Variants in LRRC49 observed in about 807,000 individuals in gnomAD.
LRRC49 encodes the protein leucine rich repeat containing 49, also known as leucine-rich repeat-containing protein 49.
LRRC49 carries 50 observed loss-of-function variants against 83.3 expected under a neutral mutation model. The observed-to-expected ratio is 0.60, with a 90% CI of 0.48 to 0.76. LRRC49 has a LOEUF of 0.76. Among genes scored for constraint, LRRC49 ranks in the 30% least tolerant of loss-of-function variants. LRRC49 has a pLI of 0.00. For missense variants in LRRC49, 704 were observed against 809.1 expected, an observed-to-expected ratio of 0.87 and a Z score of 1.58; for synonymous variants, 286 against 283.3, an observed-to-expected ratio of 1.01 and a Z score of -0.10.
chr15:70,874,916 C>A (rs1364035803), intron 2 of LRRC49, among the ~76,000 whole-genome samples: 1 of 152,246 alleles, frequency 6.6e-6, no homozygotes, highest in Non-Finnish European at 1.5e-5. Context: ...CAGCAGCATG[C>A]CCCTGTGGGG....
intron 8 of LRRC49, among the ~76,000 whole-genome samples, chr15:70,942,010 C>A (rs1055272074): frequency 5.4e-5 from 8 of 149,414 alleles, no homozygotes; most frequent in Non-Finnish European, 1.2e-4. Flanking sequence ...TTGTAAGCCT[C>A]CATTTTTATT....
intron 5 of LRRC49, among the ~76,000 whole-genome samples, chr15:70,909,088 GT>G (rs1298490288): frequency 6.6e-6 from 1 of 152,146 alleles, no homozygotes; most frequent in African/African-American, 2.4e-5. Context: ...GGCCTTAAAG[GT>G]GCTCAGGATT....
intron 14 of LRRC49, among the ~76,000 whole-genome samples, chr15:71,020,066 A>G (rs2038946898): frequency 1.3e-5 from 2 of 152,240 alleles, no homozygotes; most frequent in Non-Finnish European, 2.9e-5. Flanking sequence ...ATCTCATGAT[A>G]TACAAGATAA....
chr15:70,910,390 TA>T (rs2034502449), intron 5 of LRRC49, among the ~76,000 whole-genome samples: 2 of 152,128 alleles, frequency 1.3e-5, no homozygotes, highest in African/African-American at 2.4e-5. Flanking sequence ...ATATCACATA[TA>T]TACACACTAT....
In LRRC49 at chr15:70,984,169, A is replaced by G. The variant is rs1179704154; in HGVS notation, c.1081A>G (p.Thr361Ala). ...LQQQRVANIA[T>A]NEDRKDSDSP... ...ACAACAACGAGTAGCCAATATTGCT[A>G]CAAATGAAGATAGAAAAGATTCTGA... Residue 361 changes from threonine (T) to alanine (A), a missense_variant, in exon 11 of 16, where the codon ACA becomes GCA. Thr to Ala is a moderately conservative substitution (Grantham distance 58). Coordinates refer to ENST00000260382, the MANE Select transcript of LRRC49 (RefSeq NM_017691.5). The G allele has an allele frequency of 6.8e-6, 11 of 1,613,260 alleles. No homozygotes were observed. The African/African-American group carries it at 1.3e-4, about 20-fold the overall frequency.
intron 14 of LRRC49, among the ~76,000 whole-genome samples, chr15:71,014,866 G>T (rs999219729): frequency 1.3e-5 from 2 of 152,048 alleles, no homozygotes; most frequent in African/African-American, 2.4e-5. Flanking sequence ...GCATAACATA[G>T]TTAACACATT....
chr15:70,906,336 C>T (rs2034312655), intron 5 of LRRC49, among the ~76,000 whole-genome samples: 1 of 152,128 alleles, frequency 6.6e-6, no homozygotes, highest in African/African-American at 2.4e-5. Flanking sequence ...ACCTTGTGAT[C>T]CGCCTGCCTT....
intron 2 of LRRC49, chr15:70,882,493 CA>C: frequency 6.2e-7 from 1 of 1,613,644 alleles, no homozygotes; most frequent in South Asian, 1.1e-5. Context: ...CCATATAAGA[CA>C]AATCACTCTG....
chr15:70,900,956 A>G lies in LRRC49; in HGVS notation c.228A>G (p.Ser76=), dbSNP rs2034049289. The change falls in exon 4 of 16, where the codon TCA becomes TCG. Residue 76 remains serine (S), a synonymous_variant. Coordinates refer to ENST00000260382, the MANE Select transcript of LRRC49 (RefSeq NM_017691.5). ...DHINLVSSSL[S]SFPILQRSSE... The stretch of plus-strand genomic sequence containing the variant: ...TTAATTTGGTGAGCTCATCATTGTC[A>G]TCATTTCCTATTCTTCAACGTTCTT... 1.9e-6 allele frequency: 3 copies of G among 1,610,464 alleles called. No individual in the cohort carries two copies. The highest frequency in any genetic ancestry group is 2.5e-6 in the Non-Finnish European group (3 of 1,177,716).
At chr15:71,038,489 C>T (rs997504887) in intron 15 of LRRC49, among the ~76,000 whole-genome samples, 2 of 152,016 alleles carry the variant, frequency 1.3e-5, no homozygotes, top group African/African-American at 4.8e-5. Context: ...CTTTCCTTTC[C>T]TTCCCCACCC....
At chr15:70,924,525 A>T (rs983111135) in intron 7 of LRRC49, among the ~76,000 whole-genome samples, 1 of 152,028 alleles carries the variant, frequency 6.6e-6, no homozygotes, top group Non-Finnish European at 1.5e-5. Flanking sequence ...CTCTTATCAG[A>T]TAAGGACCTT....
At chr15:71,027,292 A>T (rs966957831) in intron 14 of LRRC49, among the ~76,000 whole-genome samples, 3 of 152,000 alleles carry the variant, frequency 2.0e-5, no homozygotes, top group Middle Eastern at 3.2e-3. Flanking sequence ...GTTCTGTTCC[A>T]TTGGTCTATA....
At chr15:71,031,883 G>C (rs184041682) in intron 14 of LRRC49, among the ~76,000 whole-genome samples, 107 of 152,238 alleles carry the variant, frequency 7.0e-4, no homozygotes, top group Non-Finnish European at 1.2e-3. Context: ...TCAGCCTACT[G>C]TGCTGGCAGT....
At chr15:70,878,398 T>A (rs1195533107) in intron 2 of LRRC49, among the ~76,000 whole-genome samples, 1 of 152,226 alleles carries the variant, frequency 6.6e-6, no homozygotes. Context: ...CTTTTAAACA[T>A]CTGTGCATTT....
chr15:70,927,886 G>A (rs2035264097), intron 7 of LRRC49, among the ~76,000 whole-genome samples: 1 of 152,076 alleles, frequency 6.6e-6, no homozygotes, highest in African/African-American at 2.4e-5. Flanking sequence ...GGGCTCAAGT[G>A]ATCCTCCCAT....
intron 7 of LRRC49, among the ~76,000 whole-genome samples, chr15:70,920,020 C>T (rs976093773): frequency 4.6e-5 from 7 of 152,154 alleles, no homozygotes; most frequent in Admixed American, 3.9e-4. Flanking sequence ...TATAACTGTT[C>T]TGCTTTGTGA....
chr15:70,904,733 G>A lies in LRRC49; in HGVS notation c.478G>A (p.Val160Ile). Residue 160 changes from valine to isoleucine, a missense_variant, in exon 5 of 16, where the codon GTC (valine) becomes ATC (isoleucine). Physicochemically the swap from Val to Ile is conservative, Grantham distance 29. Around this residue, in one of 3 missense-constraint regions of LRRC49, gnomAD observed 261 missense variants for 330.5 expected, o/e 0.79. Transcript: ENST00000260382. ...GCTTTCGACTCTGAGATGTCTTCGTGTCCTTCTGTTGGGGAAAAACAGGTA... is the reference window on the plus strand; with the variant it reads ...GCTTTCGACTCTGAGATGTCTTCGTATCCTTCTGTTGGGGAAAAACAGGTA... ...SGLSTLRCLRVLLLGKNRIKK... is the reference protein window; with the variant it reads ...SGLSTLRCLRILLLGKNRIKK... 3.1e-6 allele frequency: 5 copies of A among 1,612,890 alleles called. No individual in the cohort carries two copies. The highest frequency in any genetic ancestry group is 4.2e-6 in the Non-Finnish European group (5 of 1,179,246).
chr15:70,954,232 C>T (rs1482173312), intron 8 of LRRC49, among the ~76,000 whole-genome samples: 1 of 152,160 alleles, frequency 6.6e-6, no homozygotes, highest in Non-Finnish European at 1.5e-5. Context: ...GTCTATTCTG[C>T]TTTTAATGCA....
At chr15:70,928,507 C>T (rs2035292090) in intron 7 of LRRC49, among the ~76,000 whole-genome samples, 1 of 151,710 alleles carries the variant, frequency 6.6e-6, no homozygotes. Context: ...TTTGTGTTTC[C>T]TAAATCTGCA....
Sources: gnomAD v4.1 joint callset for allele counts (sites outside exome capture counted in the v4.1 genomes callset) on GRCh38, gnomAD v4.1.1 for gene constraint, gnomAD v4.1.1 regional missense constraint, MANE v1.5 for transcripts, NCBI Gene and HGNC (gene_info 2026-07-23, HGNC 2026-07-21) for gene names.